The following RBM42 variants were observed in gnomAD, a reference collection of about 807,000 sequenced individuals.
RBM42 encodes RNA binding motif protein 42, also known as RNA-binding protein 42.
RBM42 carries 21 observed loss-of-function variants against 41.4 expected under a neutral mutation model. The ratio of observed to expected loss-of-function variants is 0.51; its 90% CI spans 0.36 to 0.73. The LOEUF (loss-of-function observed/expected upper bound fraction) is 0.73. Ranked by LOEUF, RBM42 falls within the 30% of genes least tolerant of loss-of-function variation. The probability of loss-of-function intolerance (pLI) is 0.00; values close to 1 mark genes in which losing one functional copy is unlikely to be tolerated. For synonymous variants in RBM42, 272 were observed against 271.2 expected (o/e 1.00, Z -0.03); for missense variants, 539 against 680.4 (o/e 0.79, Z 2.31).
At position 35,633,873 on chromosome 19, in the gene RBM42, C is replaced by A; in HGVS notation, c.871C>A (p.Pro291Thr). The stretch of plus-strand genomic sequence containing the variant: ...CAGCCTGCCGCTGGCCCTGGCCATG[C>A]CATTGCCCGAGCCTGAGCCCCTGCC... ...GPSLPLALAM[P>T]LPEPEPLPLP... is the part of the protein sequence containing the mutation. The change falls in exon 7 of 10, where the codon CCA becomes ACA. Residue 291 changes from proline to threonine, a missense_variant. Coordinates refer to ENST00000262633, the MANE Select transcript of RBM42 (RefSeq NM_024321.5). The A allele has an allele frequency of 2.5e-6, 4 of 1,591,400 alleles. No individual in the cohort carries two copies. Among genetic ancestry groups the A allele is most frequent in the Non-Finnish European group, 3.4e-6 (4 of 1,172,316 alleles).
chr19:35,632,725 C>A (rs1023568473), intron 4 of RBM42, among the ~76,000 whole-genome samples: 1 of 152,116 alleles, frequency 6.6e-6, no homozygotes, highest in African/African-American at 2.4e-5. Context: ...GCATTGCCTG[C>A]CACAGGGCTG....
In RBM42 at chr19:35,637,214, G is replaced by A. The variant is rs1967512803; in HGVS notation, c.1192G>A (p.Ala398Thr). 1 of 1,614,176 alleles carries A rather than the reference G, an allele frequency of 6.2e-7. No homozygotes were observed. Among genetic ancestry groups the A allele is most frequent in the African/African-American group, 1.3e-5 (1 of 75,040 alleles). Reference protein sequence around the residue: ...LGNEVNDDILARAFSRFPSFL... With the variant: ...LGNEVNDDILTRAFSRFPSFL... ...CAATGAGGTGAACGATGACATCTTG[G>A]CACGCGCCTTCAGCCGCTTCCCATC... Residue 398 changes from alanine (A) to threonine (T), a missense_variant, in exon 9 of 10, where the codon GCA (alanine) becomes ACA (threonine). Ala to Thr is a moderately conservative substitution (Grantham distance 58). Coordinates refer to ENST00000262633, the MANE Select transcript of RBM42 (RefSeq NM_024321.5). The surrounding 1 kb of genome is among the most constrained non-coding windows in gnomAD (Gnocchi z 7.0).
chr19:35,633,612 G>T, intron 6 of RBM42, 75 bp from the exon 7 acceptor site: 1 of 1,346,842 alleles, frequency 7.4e-7, no homozygotes, highest in Non-Finnish European at 9.6e-7. Flanking sequence ...CCCTTTCTTT[G>T]TTGGATGGAA....
Position 35,633,963 on chromosome 19 carries a change from C to T in RBM42, c.961C>T (p.Arg321Cys), listed in dbSNP as rs777226810. The T allele has an allele frequency of 7.7e-6, 12 of 1,556,998 alleles. 1 individual carries two copies. Among genetic ancestry groups the T allele is most frequent in the South Asian group, 6.0e-5 (5 of 83,418 alleles). The change falls in exon 7 of 10, where the codon CGT (arginine) becomes TGT (cysteine). Residue 321 changes from arginine (R) to cysteine (C), a missense_variant. Transcript: ENST00000262633. ...GCGCATTCCTGAACTCCTGTCCCTG[C>T]GTCCTCGGCCCCGGCCCCCTCGGCC... is the stretch of plus-strand genomic sequence containing the variant. ...PLRIPELLSL[R>C]PRPRPPRPEP... is the part of the protein sequence containing the mutation.
At chr19:35,634,520 G>C in intron 8 of RBM42, 147 bp downstream of exon 8, 1 of 603,296 alleles carries the variant, frequency 1.7e-6, no homozygotes, top group South Asian at 2.0e-5. Context: ...CTATGGCTCA[G>C]GGGCTGGTTC....
chr19:35,631,208 T>G lies in RBM42; in HGVS notation c.351T>G (p.Pro117=), dbSNP rs756844234. 16 of 1,614,092 alleles carry G rather than the reference T, an allele frequency of 9.9e-6. No individual in the cohort carries two copies. The highest frequency in any genetic ancestry group is 4.2e-6 in the Non-Finnish European group (5 of 1,179,986). ...TAGTTCCTCCCATGGTGGGTGGCCC[T>G]CCTTTTGTAGGCCCTGGTAAGTAAA... is the stretch of plus-strand genomic sequence containing the variant. ...ATVVPPMVGG[P]PFVGPVGFGP... Residue 117 remains proline (P), a synonymous_variant, in exon 3 of 10, where the codon CCT becomes CCG. Transcript: ENST00000262633.
intron 6 of RBM42, among the ~76,000 whole-genome samples, chr19:35,633,464 T>C (rs1387383184): frequency 6.6e-6 from 1 of 152,260 alleles, no homozygotes; most frequent in Non-Finnish European, 1.5e-5. Flanking sequence ...AAACATGCTA[T>C]TGGAATATTT....
chr19:35,634,008 A>G lies in RBM42; in HGVS notation c.1006A>G (p.Met336Val), dbSNP rs766884821. The G allele has an allele frequency of 1.7e-5, 26 of 1,512,562 alleles. No individual in the cohort carries two copies. The highest frequency in any genetic ancestry group is 1.3e-5 in the South Asian group (1 of 76,738). The allele number at this position is 1,512,562 out of a possible 1,614,324, so 93.7% of individuals were successfully genotyped here. A position where few individuals can be genotyped will look rare whatever the true frequency, so the allele number is the denominator to read the frequency against. The part of the protein sequence containing the change: ...PPRPEPPPGL[M>V]ALEVPEPLGE... ...TCGGCCAGAGCCACCCCCAGGCCTC[A>G]TGGCTCTTGAGGTAAGCAGGGAGCC... The change falls in exon 7 of 10, where the codon ATG becomes GTG. Residue 336 changes from methionine (M) to valine (V), a missense_variant. Met to Val is a conservative substitution (Grantham distance 21). Transcript: ENST00000262633.
chr19:35,629,623 C>T lies in RBM42; in HGVS notation c.232C>T (p.Pro78Ser). The T allele has an allele frequency of 1.9e-6, 3 of 1,614,230 alleles. No homozygotes were observed. The highest frequency in any genetic ancestry group is 2.5e-6 in the Non-Finnish European group (3 of 1,180,038). Residue 78 changes from proline to serine, a missense_variant, in exon 2 of 10, where the codon CCA becomes TCA. Pro to Ser is a moderately conservative substitution (Grantham distance 74). This residue lies in a region of RBM42 where 429 missense variants were observed against 488.9 expected (regional missense o/e 0.88). Coordinates refer to ENST00000262633, the MANE Select transcript of RBM42 (RefSeq NM_024321.5). Reference sequence around the variant, plus strand: ...CCCCACAGTAGAAGCGATGCAGGTCCCAGCGGCTCCTGTGATCCGCCCAAT... The same window carrying T: ...CCCCACAGTAGAAGCGATGCAGGTCTCAGCGGCTCCTGTGATCCGCCCAAT... Reference protein sequence around the residue: ...TVPTVEAMQVPAAPVIRPIIA... With the variant: ...TVPTVEAMQVSAAPVIRPIIA...
intron 8 of RBM42, among the ~76,000 whole-genome samples, chr19:35,634,997 A>G (rs747543446): frequency 1.3e-5 from 2 of 152,114 alleles, no homozygotes; most frequent in Non-Finnish European, 1.5e-5. Context: ...ACTTCTAAAT[A>G]TCTCAGTATT....
At chr19:35,636,166 T>C (rs1211318434) in intron 8 of RBM42, among the ~76,000 whole-genome samples, 1 of 151,686 alleles carries the variant, frequency 6.6e-6, no homozygotes, top group African/African-American at 2.4e-5. Flanking sequence ...TTTTTTTTTT[T>C]TCTTTTTTTT....
intron 3 of RBM42, 45 bp from the exon 4 acceptor site, chr19:35,631,286 C>T (rs1288792402): frequency 6.2e-7 from 1 of 1,611,500 alleles, no homozygotes; most frequent in Non-Finnish European, 8.5e-7. Context: ...AAAAGGTGTG[C>T]ACAGGACTCT....
chr19:35,637,117 G>A lies in RBM42; in HGVS notation c.1136-41G>A, dbSNP rs1237733620. On this transcript the variant is annotated intron_variant, in intron 8 of 9. Transcript: ENST00000262633. This position sits in a 1 kb window ranked among gnomAD's most constrained non-coding sequence, Gnocchi z 7.0. ...TTCAGACAAGGTAGACACTGGGCAA[G>A]GCCTCTGCATCCTCTGATGTCATCT... is the stretch of plus-strand genomic sequence containing the variant. 3.2e-6 allele frequency: 5 copies of A among 1,557,536 alleles called. No individual in the cohort carries two copies. The Admixed American group carries it at 5.6e-5, about 17-fold the overall frequency.
rs767180865 is a variant in RBM42 at position 35,631,301 on chromosome 19, C to T, written c.368-30C>T. On this transcript the variant is annotated intron_variant, in intron 3 of 9. Coordinates refer to ENST00000262633, the MANE Select transcript of RBM42 (RefSeq NM_024321.5). ...AAAAGGTGTGCACAGGACTCTCCTC[C>T]CACCATCCTTGCCTCTCCCCTCCCA... is the stretch of plus-strand genomic sequence containing the variant. The T allele has an allele frequency of 6.2e-6, 10 of 1,613,354 alleles. No homozygotes were observed. The South Asian group carries it at 1.1e-4, about 18-fold the overall frequency.
Position 35,629,048 on chromosome 19 carries a change from C to A in RBM42, c.-106C>A. 2 of 1,419,778 alleles carry A rather than the reference C, an allele frequency of 1.4e-6. No individual in the cohort carries two copies. The highest frequency in any genetic ancestry group is 1.8e-6 in the Non-Finnish European group (2 of 1,083,138). 87.9% of individuals were successfully genotyped at this position (1,419,778 alleles called of 1,614,324 possible). A position where few individuals can be genotyped will look rare whatever the true frequency, so the allele number is the denominator to read the frequency against. On this transcript the variant is annotated 5_prime_UTR_variant, in exon 1 of 10. Transcript: ENST00000262633. ...GCCAGCGCCCGTCGCTTTTGCTGGA[C>A]GTCATCCTCGGGAGCCCACCCGGAC... is the stretch of plus-strand genomic sequence containing the variant.
intron 2 of RBM42, among the ~76,000 whole-genome samples, 200 bp from the exon 3 acceptor site, chr19:35,630,940 G>A (rs566810357): frequency 3.3e-5 from 5 of 152,302 alleles, no homozygotes; most frequent in Non-Finnish European, 5.9e-5. Context: ...GATGAAATAA[G>A]GTGGTGAGAG....
chr19:35,629,823 CTG>C, intron 2 of RBM42, 150 bp downstream of exon 2: 2 of 803,872 alleles, frequency 2.5e-6, no homozygotes, highest in Non-Finnish European at 3.8e-6. Context: ...ACAGTAATGA[CTG>C]AGAGAGACAT....
chr19:35,631,653 A>T, intron 4 of RBM42: 3 of 560,680 alleles, frequency 5.4e-6, no homozygotes, highest in Non-Finnish European at 9.5e-6. Context: ...AACACCTCAT[A>T]ACAAGCTATA....
chr19:35,634,795 A>G (rs1220736566), intron 8 of RBM42, among the ~76,000 whole-genome samples: 1 of 150,156 alleles, frequency 6.7e-6, no homozygotes, highest in African/African-American at 2.4e-5. Context: ...AAGTGCTGGG[A>G]TTACAGGCAT....
Sources: gnomAD v4.1 joint callset for allele counts (sites outside exome capture counted in the v4.1 genomes callset) on GRCh38, gnomAD v4.1.1 for gene constraint, gnomAD v4.1.1 regional missense constraint, Gnocchi (gnomAD v3.1) non-coding constraint, MANE v1.5 for transcripts, NCBI Gene and HGNC (gene_info 2026-07-23, HGNC 2026-07-21) for gene names.